The following MACROD1 variants were observed in gnomAD, a reference collection of about 807,000 sequenced individuals.
MACROD1 encodes mono-ADP ribosylhydrolase 1.
MACROD1 carries 31 observed loss-of-function variants against 41.4 expected under a neutral mutation model. The ratio of observed to expected loss-of-function variants is 0.75; its 90% confidence interval spans 0.56 to 1.01. The LOEUF (loss-of-function observed/expected upper bound fraction) is 1.01, where lower values mean the gene tolerates loss of function less well. Ranked by LOEUF, MACROD1 falls within the 50% of genes least tolerant of loss-of-function variation. MACROD1 has a pLI of 0.00. For synonymous variants in MACROD1, 252 were observed against 203.4 expected (o/e 1.24, Z -2.03); for missense variants, 473 against 460.0 (o/e 1.03, Z -0.26).
intron 3 of MACROD1, among the ~76,000 whole-genome samples, chr11:64,052,727 C>A (rs544793713): frequency 6.6e-6 from 1 of 152,382 alleles, no homozygotes; most frequent in South Asian, 2.1e-4. Flanking sequence ...CTGCCACAAC[C>A]TCCCAGCTTC....
chr11:64,126,358 G>A (rs1356948591), intron 3 of MACROD1, among the ~76,000 whole-genome samples: 4 of 152,106 alleles, frequency 2.6e-5, no homozygotes, highest in Non-Finnish European at 5.9e-5. Flanking sequence ...GAGAGGTGAC[G>A]GAGGGTGGAG....
intron 3 of MACROD1, among the ~76,000 whole-genome samples, chr11:64,047,415 T>G (rs1260395938): frequency 1.3e-5 from 2 of 152,118 alleles, no homozygotes; most frequent in African/African-American, 4.8e-5. Flanking sequence ...GCCAGGTCCA[T>G]GCCATGGGGT....
intron 3 of MACROD1, among the ~76,000 whole-genome samples, chr11:64,125,606 C>T (rs923148958): frequency 4.6e-5 from 7 of 152,226 alleles, no homozygotes; most frequent in Non-Finnish European, 8.8e-5. Context: ...ATCTCAGCAG[C>T]TTTACCTCTT....
chr11:64,113,417 C>T (rs370672840), intron 3 of MACROD1, among the ~76,000 whole-genome samples: 2 of 144,720 alleles, frequency 1.4e-5, no homozygotes, highest in African/African-American at 5.2e-5. Flanking sequence ...CAGGTTGATG[C>T]ATGGATGGAT....
intron 3 of MACROD1, among the ~76,000 whole-genome samples, chr11:64,132,856 G>A (rs895373652): frequency 7.2e-5 from 11 of 152,172 alleles, no homozygotes; most frequent in East Asian, 1.9e-4. Flanking sequence ...AGGGAGGTGC[G>A]GCAGGCTGGC....
chr11:64,038,436 T>G lies in MACROD1; in HGVS notation c.518-23155A>C, dbSNP rs115058861. On this transcript the variant is annotated intron_variant, in intron 3 of 10. Transcript: ENST00000255681. ...GGTGGCATCTGTGCTTGCTTCGAAGTTAGCTGAGAGGACTAGGGCTCCAGG... is the reference window on the plus strand; with the variant it reads ...GGTGGCATCTGTGCTTGCTTCGAAGGTAGCTGAGAGGACTAGGGCTCCAGG... Among the ~76,000 whole-genome samples, 676 of 152,278 alleles carry G rather than the reference T, an allele frequency of 4.4e-3. 7 individuals are homozygous for G. The highest frequency in any genetic ancestry group is 0.015 in the African/African-American group (639 of 41,564).
At chr11:64,046,504 C>A (rs1014186348) in intron 3 of MACROD1, among the ~76,000 whole-genome samples, 1 of 152,172 alleles carries the variant, frequency 6.6e-6, no homozygotes, top group African/African-American at 2.4e-5. Context: ...TGGGACCCTG[C>A]GCTGTGCTCC....
chr11:64,137,606 G>C (rs1304189586), intron 3 of MACROD1, among the ~76,000 whole-genome samples: 1 of 152,182 alleles, frequency 6.6e-6, no homozygotes, highest in Non-Finnish European at 1.5e-5. Flanking sequence ...GCCGGGTCAG[G>C]AGAGGATACC....
At chr11:64,098,453 C>A (rs1463792855) in intron 3 of MACROD1, among the ~76,000 whole-genome samples, 3 of 152,220 alleles carry the variant, frequency 2.0e-5, no homozygotes, top group Non-Finnish European at 2.9e-5. Context: ...TCCTAGCCCC[C>A]ACACGGCAAT....
intron 3 of MACROD1, among the ~76,000 whole-genome samples, chr11:64,088,367 C>T (rs1160112777): frequency 7.2e-5 from 11 of 152,224 alleles, no homozygotes; most frequent in African/African-American, 2.4e-4. Flanking sequence ...GGGCCTTGGG[C>T]GTGACTGTCT....
intron 3 of MACROD1, among the ~76,000 whole-genome samples, chr11:64,030,154 C>G (rs1332088159): frequency 2.0e-5 from 3 of 151,622 alleles, no homozygotes; most frequent in Non-Finnish European, 4.4e-5. Context: ...TAGACCTGAT[C>G]TCCCCCGTCA....
chr11:64,130,722 C>A (rs1219428451), intron 3 of MACROD1, among the ~76,000 whole-genome samples: 1 of 152,214 alleles, frequency 6.6e-6, no homozygotes, highest in African/African-American at 2.4e-5. Flanking sequence ...CCGCCGCACC[C>A]ACGTCACCTT....
chr11:64,071,035 CTT>C (rs1218752946), intron 3 of MACROD1, among the ~76,000 whole-genome samples: 2 of 152,158 alleles, frequency 1.3e-5, no homozygotes, highest in African/African-American at 4.8e-5. Flanking sequence ...ATACTCATCT[CTT>C]TATTCTTCTC....
At position 64,090,435 on chromosome 11, in the gene MACROD1, C is replaced by T. The variant is rs1191352935; in HGVS notation, c.517+60804G>A. ...CTCAACTCACCTCCAGCCCGGGCAG[C>T]AGTGGGTCGATAATAATTTACGAGG... On this transcript the variant is annotated intron_variant, in intron 3 of 10. Transcript: ENST00000255681. This position sits in a 1 kb window ranked among gnomAD's most constrained non-coding sequence, Gnocchi z 4.7. Among the ~76,000 whole-genome samples, 1 of 152,230 alleles carries T rather than the reference C, an allele frequency of 6.6e-6. No homozygotes were observed. The highest frequency in any genetic ancestry group is 1.9e-4 in the East Asian group (1 of 5,202).
intron 3 of MACROD1, among the ~76,000 whole-genome samples, chr11:64,066,286 G>C (rs1039743704): frequency 8.8e-6 from 1 of 113,480 alleles, no homozygotes; most frequent in African/African-American, 3.9e-5. Flanking sequence ...GACAGAGCGA[G>C]ACTGTCTCAA....
chr11:64,117,622 G>A lies in MACROD1; in HGVS notation c.517+33617C>T, dbSNP rs150825004. On this transcript the variant is annotated intron_variant, in intron 3 of 10. Coordinates refer to ENST00000255681, the MANE Select transcript of MACROD1 (RefSeq NM_014067.4). ...AAGGCCCTGACGGCAGACTCCATCCGCATCACGTGGAAGGCCACGCTCCCC... is the reference window on the plus strand; with the variant it reads ...AAGGCCCTGACGGCAGACTCCATCCACATCACGTGGAAGGCCACGCTCCCC... The A allele has an allele frequency of 4.0e-5, 65 of 1,613,560 alleles. No homozygotes were observed. Among genetic ancestry groups the A allele is most frequent in the Non-Finnish European group, 4.6e-5 (54 of 1,180,002 alleles).
chr11:64,093,014 G>A (rs1301998523), intron 3 of MACROD1, among the ~76,000 whole-genome samples: 1 of 152,204 alleles, frequency 6.6e-6, no homozygotes, highest in Admixed American at 6.5e-5. Context: ...CCACACCGGA[G>A]TGGCTGGTGT....
chr11:64,080,555 C>T (rs779322349), intron 3 of MACROD1, among the ~76,000 whole-genome samples: 7 of 152,092 alleles, frequency 4.6e-5, no homozygotes, highest in East Asian at 3.9e-4. Context: ...AGAGAGGTGG[C>T]GAGGGTTGAA....
intron 1 of MACROD1, among the ~76,000 whole-genome samples, chr11:64,152,904 C>A (rs1016342283): frequency 6.6e-6 from 1 of 152,208 alleles, no homozygotes. Flanking sequence ...GCTGCAGGAC[C>A]AAGTGGACCT....
Sources: gnomAD v4.1 joint callset for allele counts (sites outside exome capture counted in the v4.1 genomes callset) on GRCh38, gnomAD v4.1.1 for gene constraint, Gnocchi (gnomAD v3.1) non-coding constraint, MANE v1.5 for transcripts, NCBI Gene and HGNC (gene_info 2026-07-23, HGNC 2026-07-21) for gene names.